Variants in CCDC191 observed in about 807,000 individuals in gnomAD.
CCDC191 encodes the protein coiled-coil domain containing 191, also known as coiled-coil domain-containing protein 191.
Under a neutral mutation model 114.0 loss-of-function variants are expected in CCDC191, and 99 were observed. That is an observed-to-expected ratio of 0.87 (90% CI 0.74 to 1.03). The LOEUF (loss-of-function observed/expected upper bound fraction) is 1.03, where lower values mean the gene tolerates loss of function less well. Among genes scored for constraint, CCDC191 ranks in the 50% least tolerant of loss-of-function variants. CCDC191 has a pLI of 0.00. For synonymous variants in CCDC191, 351 were observed against 376.0 expected (o/e 0.93, Z 0.77); for missense variants, 973 against 1,087.0 (o/e 0.90, Z 1.47).
chr3:114,027,365 C>T (rs1577443354), intron 7 of CCDC191, among the ~76,000 whole-genome samples: 1 of 152,220 alleles, frequency 6.6e-6, no homozygotes, highest in East Asian at 1.9e-4. Context: ...CCTGTAATCC[C>T]GATGCTTTGG....
intron 16 of CCDC191, among the ~76,000 whole-genome samples, chr3:113,969,775 G>A (rs1354899355): frequency 1.3e-5 from 2 of 152,142 alleles, no homozygotes; most frequent in Non-Finnish European, 2.9e-5. Context: ...TTGAAGTCAG[G>A]TAGTGTGATA....
rs557456678 is a variant in CCDC191, at chr3:114,025,100, T to C, written c.973-6232A>G. On this transcript the variant is annotated intron_variant, in intron 7 of 16. Coordinates refer to ENST00000295878, the MANE Select transcript of CCDC191 (RefSeq NM_020817.2). ...CTAAGACCTGAACTTGCTGCTGGGT[T>C]CCATGGAAAAGCCTAGAGGCCTAAA... 2.0e-5 allele frequency among the ~76,000 whole-genome samples: 3 copies of C among 152,210 alleles called. No individual in the cohort carries two copies. In the East Asian group the frequency reaches 5.8e-4, roughly 29 times the overall value.
chr3:114,046,541 G>A lies in CCDC191; in HGVS notation c.271+50C>T, dbSNP rs750202084. ...TTCTCTACTTTGAAATGCATCATGGGTTATGCTTTAAGAATTGTTAACATC... is the reference window on the plus strand; with the variant it reads ...TTCTCTACTTTGAAATGCATCATGGATTATGCTTTAAGAATTGTTAACATC... On this transcript the variant is annotated intron_variant, in intron 3 of 16. Coordinates refer to ENST00000295878, the MANE Select transcript of CCDC191 (RefSeq NM_020817.2). The A allele has an allele frequency of 5.3e-6, 6 of 1,127,444 alleles. No homozygotes were observed. The East Asian group carries it at 1.4e-4, about 27-fold the overall frequency. 69.8% of individuals were successfully genotyped at this position (1,127,444 alleles called of 1,614,324 possible). A position where few individuals can be genotyped will look rare whatever the true frequency, so the allele number is the denominator to read the frequency against.
chr3:114,039,502 A>C (rs776172785), intron 4 of CCDC191: 12 of 152,168 alleles, frequency 7.9e-5, no homozygotes, highest in Admixed American at 3.9e-4. Flanking sequence ...TCTTAAAACA[A>C]AACAAAACAA....
In CCDC191 at chr3:113,965,132, C is replaced by T. The variant is rs1939980673; in HGVS notation, c.*23G>A. 1 of 1,521,754 alleles carries T rather than the reference C, an allele frequency of 6.6e-7. No homozygotes were observed. 94.3% of individuals were successfully genotyped at this position (1,521,754 alleles called of 1,614,324 possible). ...CATACAGACTAGTCGAGCTTCCTGT[C>T]CTAAATATTACACTAATCTGGCTCA... On this transcript the variant is annotated 3_prime_UTR_variant, in exon 17 of 17. Coordinates refer to ENST00000295878, the MANE Select transcript of CCDC191 (RefSeq NM_020817.2).
At chr3:114,050,598 C>T (rs1045535788) in intron 2 of CCDC191, among the ~76,000 whole-genome samples, 1 of 152,108 alleles carries the variant, frequency 6.6e-6, no homozygotes, top group Admixed American at 6.5e-5. Context: ...GAGGAGTATT[C>T]CAGGCTGAGG....
intron 9 of CCDC191, among the ~76,000 whole-genome samples, chr3:114,007,591 G>A (rs1208410695): frequency 6.6e-6 from 1 of 152,160 alleles, no homozygotes; most frequent in Non-Finnish European, 1.5e-5. Flanking sequence ...CTGTGTCAAA[G>A]CCCTGAGTAA....
At chr3:114,022,988 G>A (rs2076265603) in intron 7 of CCDC191, among the ~76,000 whole-genome samples, 1 of 152,072 alleles carries the variant, frequency 6.6e-6, no homozygotes, top group Non-Finnish European at 1.5e-5. Flanking sequence ...ATCTCCTTAA[G>A]CTGATAAGCA....
chr3:113,992,008 T>C (rs888318288), intron 13 of CCDC191, among the ~76,000 whole-genome samples: 1 of 151,988 alleles, frequency 6.6e-6, no homozygotes, highest in Non-Finnish European at 1.5e-5. Context: ...AAGATATAAA[T>C]AGAGAAAAGA....
intron 7 of CCDC191, among the ~76,000 whole-genome samples, chr3:114,020,503 G>T (rs990755015): frequency 6.6e-6 from 1 of 152,062 alleles, no homozygotes; most frequent in Non-Finnish European, 1.5e-5. Flanking sequence ...AGATCTTTTG[G>T]AGAGGATGAA....
rs1465625017 is a variant in CCDC191 at position 114,006,604 on chromosome 3, AT to A, written c.1414-643del. 1.0e-4 allele frequency among the ~76,000 whole-genome samples: 14 copies of A among 133,818 alleles called. 2 individuals carry two copies. Among genetic ancestry groups the A allele is most frequent in the African/African-American group, 3.0e-4 (10 of 33,280 alleles). The allele number at this position is 133,818 out of a possible 152,430, so 87.8% of individuals were successfully genotyped here. ...TTACTCCAGATATATATATATATATATATATATATATATAAATATATATATT... is the reference window on the plus strand; with the variant it reads ...TTACTCCAGATATATATATATATATAATATATATATATAAATATATATATT... On this transcript the variant is annotated intron_variant, in intron 9 of 16. Transcript: ENST00000295878.
chr3:114,051,555 C>A (rs1012826309), intron 2 of CCDC191, among the ~76,000 whole-genome samples: 4 of 152,176 alleles, frequency 2.6e-5, no homozygotes, highest in African/African-American at 7.2e-5. Flanking sequence ...TAGTGAAACC[C>A]CATCTCTATT....
At chr3:113,995,441 C>T (rs558801893) in intron 13 of CCDC191, among the ~76,000 whole-genome samples, 2 of 152,204 alleles carry the variant, frequency 1.3e-5, no homozygotes, top group African/African-American at 4.8e-5. Flanking sequence ...AGAAAAACAA[C>T]AAAATCAACC....
chr3:113,986,474 A>G (rs1559884205), intron 13 of CCDC191, among the ~76,000 whole-genome samples: 1 of 152,214 alleles, frequency 6.6e-6, no homozygotes, highest in African/African-American at 2.4e-5. Flanking sequence ...CAAGAAGCTT[A>G]AGACCACCAA....
intron 8 of CCDC191, 89 bp downstream of exon 8, chr3:114,018,589 T>C: frequency 9.9e-7 from 1 of 1,010,852 alleles, no homozygotes; most frequent in South Asian, 1.8e-5. Context: ...ATTATTCTAG[T>C]TGGCATGTGT....
chr3:114,007,897 GT>G (rs1330365081), intron 9 of CCDC191, among the ~76,000 whole-genome samples: 1 of 151,658 alleles, frequency 6.6e-6, no homozygotes, highest in Non-Finnish European at 1.5e-5. Flanking sequence ...AGTTTACTTA[GT>G]CTCTACAGGG....
At position 113,966,196 on chromosome 3, in the gene CCDC191, TAAC is replaced by T. The variant is rs927272619; in HGVS notation, c.2607-840_2607-838del. ...GTAACCTGACCTCCAACAGCAGCAA[TAAC>T]AACAAAGAACCAGTCTTGAATATCA... On this transcript the variant is annotated intron_variant, in intron 16 of 16. Coordinates refer to ENST00000295878, the MANE Select transcript of CCDC191 (RefSeq NM_020817.2). 2.0e-4 allele frequency among the ~76,000 whole-genome samples: 31 copies of T among 152,214 alleles called. 1 individual carries two copies. Among genetic ancestry groups the T allele is most frequent in the Admixed American group, 7.2e-4 (11 of 15,290 alleles).
chr3:113,992,864 A>G (rs1159617607), intron 13 of CCDC191, among the ~76,000 whole-genome samples: 1 of 152,238 alleles, frequency 6.6e-6, no homozygotes, highest in Non-Finnish European at 1.5e-5. Context: ...AAAAAAAATT[A>G]TAGGCCAACA....
At chr3:113,985,616 T>A (rs1341727100) in intron 13 of CCDC191, among the ~76,000 whole-genome samples, 1 of 152,118 alleles carries the variant, frequency 6.6e-6, no homozygotes, top group Non-Finnish European at 1.5e-5. Flanking sequence ...ATCACCACAC[T>A]TATATAAGCT....
Sources: gnomAD v4.1 joint callset for allele counts (sites outside exome capture counted in the v4.1 genomes callset) on GRCh38, gnomAD v4.1.1 for gene constraint, MANE v1.5 for transcripts, NCBI Gene and HGNC (gene_info 2026-07-23, HGNC 2026-07-21) for gene names.